The following PDS5A variants were observed in gnomAD, a reference collection of about 807,000 sequenced individuals.
PDS5A encodes the protein sister chromatid cohesion protein PDS5 homolog A.
PDS5A carries 42 observed loss-of-function variants against 167.1 expected under a neutral mutation model. The ratio of observed to expected loss-of-function variants is 0.25; its 90% CI spans 0.20 to 0.33. The LOEUF is 0.33. PDS5A is among the 10% of genes least tolerant of loss of function. The probability of loss-of-function intolerance (pLI) is 1.00; values close to 1 mark genes in which losing one functional copy is unlikely to be tolerated. For missense variants in PDS5A, 1,033 were observed against 1,605.9 expected, an observed-to-expected ratio of 0.64 and a Z score of 6.10; for synonymous variants, 553 against 554.6, an observed-to-expected ratio of 1.00 and a Z score of 0.04.
At chr4:39,972,287 C>G (rs1024089740) in intron 2 of PDS5A, among the ~76,000 whole-genome samples, 16 of 152,036 alleles carry the variant, frequency 1.1e-4, no homozygotes, top group Non-Finnish European at 2.4e-4. Flanking sequence ...TTTGGGAGGC[C>G]GAGGTGGGCG....
At chr4:39,849,407 A>G (rs1458888870) in intron 27 of PDS5A, 113 bp downstream of exon 27, 4 of 687,552 alleles carry the variant, frequency 5.8e-6, no homozygotes, top group Non-Finnish European at 9.8e-6. Flanking sequence ...ACTTTTGTAA[A>G]CATTCTAAAA....
intron 32 of PDS5A, among the ~76,000 whole-genome samples, chr4:39,830,847 A>C (rs1470947541): frequency 6.6e-6 from 1 of 152,266 alleles, no homozygotes; most frequent in African/African-American, 2.4e-5. Flanking sequence ...CTAAAATGCA[A>C]GGATTTTGTT....
At chr4:39,843,887 G>A (rs895335666) in intron 30 of PDS5A, among the ~76,000 whole-genome samples, 4 of 152,076 alleles carry the variant, frequency 2.6e-5, no homozygotes, top group Non-Finnish European at 4.4e-5. Flanking sequence ...GTTTGCGCCT[G>A]TAATCCCAGC....
chr4:39,853,079 C>T (rs1718248904), intron 26 of PDS5A, among the ~76,000 whole-genome samples: 1 of 152,184 alleles, frequency 6.6e-6, no homozygotes, highest in African/African-American at 2.4e-5. Flanking sequence ...GCTGGGACTA[C>T]AGGCACATGT....
chr4:39,830,132 G>A (rs989575719), intron 32 of PDS5A, among the ~76,000 whole-genome samples: 8 of 152,070 alleles, frequency 5.3e-5, no homozygotes, highest in Non-Finnish European at 1.2e-4. Flanking sequence ...TGCTCATATA[G>A]TGTGATACTT....
chr4:39,951,427 G>C (rs1413799629), intron 2 of PDS5A, among the ~76,000 whole-genome samples: 1 of 152,184 alleles, frequency 6.6e-6, no homozygotes, highest in East Asian at 1.9e-4. Context: ...TCCAATGAGA[G>C]ACAGCCAGAA....
intron 9 of PDS5A, among the ~76,000 whole-genome samples, chr4:39,912,604 A>T (rs1186160452): frequency 1.3e-5 from 2 of 152,360 alleles, no homozygotes; most frequent in East Asian, 3.9e-4. Flanking sequence ...TGGTGAATTT[A>T]CATCAAGAAA....
At chr4:39,843,571 G>A (rs1406710558) in intron 30 of PDS5A, among the ~76,000 whole-genome samples, 1 of 152,062 alleles carries the variant, frequency 6.6e-6, no homozygotes, top group Non-Finnish European at 1.5e-5. Context: ...AATTAGCTGG[G>A]AGTGGTGGCG....
intron 17 of PDS5A, among the ~76,000 whole-genome samples, chr4:39,887,325 T>C (rs1025626205): frequency 6.6e-6 from 1 of 152,356 alleles, no homozygotes; most frequent in Middle Eastern, 3.4e-3. Context: ...CATAAAGTAA[T>C]GTTGAATTTT....
rs370268905 is a variant in PDS5A at position 39,872,943 on chromosome 4, C to T, written c.2436+43G>A. On this transcript the variant is annotated intron_variant, in intron 21 of 32. Transcript: ENST00000303538. ...GTTTCTGTGATGAAGATGTAAACAG[C>T]CTTAATCTCATGATTCTCAATTTAA... The T allele has an allele frequency of 5.9e-6, 7 of 1,179,008 alleles. No homozygotes were observed. In the African/African-American group the frequency reaches 1.1e-4, roughly 18 times the overall value. The allele number at this position is 1,179,008 out of a possible 1,614,324, so 73.0% of individuals were successfully genotyped here.
At position 39,838,119 on chromosome 4, in the gene PDS5A, G is replaced by A; in HGVS notation, c.3747C>T (p.Ile1249=). The change falls in exon 32 of 33, where the codon ATC becomes ATT. Residue 1249 remains isoleucine, a synonymous_variant. Transcript: ENST00000303538. ...RTVTAAGAEN[I]QQKTDEKVDE... is the part of the protein sequence containing the mutation. ...CTACTTTCTCATCTGTTTTTTGTTG[G>A]ATATTCTCTGCACCAGCTGCTGTTA... 1 of 1,613,746 alleles carries A rather than the reference G, an allele frequency of 6.2e-7. No homozygotes were observed. Among genetic ancestry groups the A allele is most frequent in the African/African-American group, 1.3e-5 (1 of 75,008 alleles).
intron 24 of PDS5A, 122 bp from the exon 25 acceptor site, chr4:39,863,195 T>C (rs1307403076): frequency 3.2e-6 from 3 of 938,326 alleles, no homozygotes; most frequent in Admixed American, 2.6e-5. Context: ...AATAATGTAA[T>C]AATTGGAAGA....
rs569536405 is a variant in PDS5A, at chr4:39,967,938, CA to C, written c.138+8501del. On this transcript the variant is annotated intron_variant, in intron 2 of 32. Transcript: ENST00000303538. Reference sequence around the variant, plus strand: ...TCTTAAAAACAAACAAACAAACAAACAAAAAAAACACCAATAATTATCAAGG... The same window carrying C: ...TCTTAAAAACAAACAAACAAACAAACAAAAAAACACCAATAATTATCAAGG... Among the ~76,000 whole-genome samples the C allele has an allele frequency of 4.0e-5, 6 of 151,402 alleles. No individual in the cohort carries two copies. In the South Asian group the frequency reaches 8.3e-4, roughly 21 times the overall value.
intron 22 of PDS5A, 145 bp from the exon 23 acceptor site, chr4:39,867,142 T>C: frequency 1.7e-6 from 1 of 599,100 alleles, no homozygotes; most frequent in Middle Eastern, 4.6e-4. Flanking sequence ...ACAGCAACAA[T>C]ACGAACTAAT....
In PDS5A at chr4:39,824,107, T is replaced by C. The variant is rs1190611186; in HGVS notation, c.*1378A>G. On this transcript the variant is annotated 3_prime_UTR_variant, in exon 33 of 33. Transcript: ENST00000303538. The stretch of plus-strand genomic sequence containing the variant: ...GGACAGTGGGGGCAGGATAGAACTC[T>C]GGACATGAGAAAAGACAAATTTCAT... 2 of 152,226 alleles carry C rather than the reference T, an allele frequency of 1.3e-5. No homozygotes were observed. Among genetic ancestry groups the C allele is most frequent in the African/African-American group, 4.8e-5 (2 of 41,458 alleles). 9.4% of individuals were successfully genotyped at this position (152,226 alleles called of 1,614,324 possible).
chr4:39,943,558 C>T (rs916688797), intron 2 of PDS5A, among the ~76,000 whole-genome samples: 2 of 145,642 alleles, frequency 1.4e-5, no homozygotes, highest in Admixed American at 1.4e-4. Flanking sequence ...CCAGGGCAGG[C>T]GGATCACTTG....
chr4:39,832,158 G>T lies in PDS5A; in HGVS notation c.4010+5698C>A, dbSNP rs866272753. ...CAAAAACCCAAAAACAAGAATATAA[G>T]GGGTCTTCAAAAAGTTTGTGGAAAA... On this transcript the variant is annotated intron_variant, in intron 32 of 32. Coordinates refer to ENST00000303538, the MANE Select transcript of PDS5A (RefSeq NM_001100399.2). Among the ~76,000 whole-genome samples, 4 of 151,788 alleles carry T rather than the reference G, an allele frequency of 2.6e-5. No individual in the cohort carries two copies. The Middle Eastern group carries it at 0.014, about 516-fold the overall frequency.
At chr4:39,829,999 A>C in intron 32 of PDS5A, among the ~76,000 whole-genome samples, 1 of 145,850 alleles carries the variant, frequency 6.9e-6, no homozygotes, top group Non-Finnish European at 1.5e-5. Context: ...TTTCCAAGCT[A>C]CCGCCATGAG....
chr4:39,964,113 T>A (rs979873868), intron 2 of PDS5A, among the ~76,000 whole-genome samples: 2 of 152,152 alleles, frequency 1.3e-5, no homozygotes, highest in Non-Finnish European at 2.9e-5. Flanking sequence ...ATACTTTTCA[T>A]GGGACAAAAA....
Sources: gnomAD v4.1 joint callset for allele counts (sites outside exome capture counted in the v4.1 genomes callset) on GRCh38, gnomAD v4.1.1 for gene constraint, MANE v1.5 for transcripts, NCBI Gene and HGNC (gene_info 2026-07-23, HGNC 2026-07-21) for gene names.